The following EPM2A variants were observed in gnomAD, a reference collection of about 807,000 sequenced individuals.
EPM2A encodes laforin.
In EPM2A, 21 loss-of-function variants were observed where a neutral mutation model predicts 26.5. The ratio of observed to expected loss-of-function variants is 0.79; its 90% CI spans 0.56 to 1.14. The LOEUF is 1.14. EPM2A is among the 50% of genes most tolerant of loss of function. The pLI is 0.00. For missense variants in EPM2A, 458 were observed against 440.8 expected, an observed-to-expected ratio of 1.04 and a Z score of -0.35; for synonymous variants, 217 against 177.6, an observed-to-expected ratio of 1.22 and a Z score of -1.76.
intron 2 of EPM2A, among the ~76,000 whole-genome samples, chr6:145,541,430 T>A (rs1210985656): frequency 6.6e-6 from 1 of 151,968 alleles, no homozygotes. Context: ...TACTTTGGGT[T>A]ATTTTTACCC....
intron 2 of EPM2A, among the ~76,000 whole-genome samples, chr6:145,604,314 T>A (rs1781454945): frequency 6.6e-6 from 1 of 152,136 alleles, no homozygotes; most frequent in East Asian, 1.9e-4. Flanking sequence ...TCTGAAGGTT[T>A]CTTTCAGGAA....
rs965931486 is a variant in EPM2A, at chr6:145,686,157, A to G, written c.441T>C (p.Phe147=). 22 of 1,613,882 alleles carry G rather than the reference A, an allele frequency of 1.4e-5. No homozygotes were observed. The highest frequency in any genetic ancestry group is 1.9e-5 in the Non-Finnish European group (22 of 1,179,926). The change falls in exon 2 of 4, where the codon TTT becomes TTC. Residue 147 remains phenylalanine (F), a synonymous_variant. Coordinates refer to ENST00000367519, the MANE Select transcript of EPM2A (RefSeq NM_005670.4). ...GCATGGCTTGGTGGCCTGCAATATT[A>G]AAATAGAAGTCTGTTGTGTGCTTCA... ...NEMKHTTDFY[F]NIAGHQAMHY... is the part of the protein sequence containing the mutation.
intron 4 of EPM2A, among the ~76,000 whole-genome samples, chr6:145,388,682 A>T (rs1778295839): frequency 6.6e-6 from 1 of 152,026 alleles, no homozygotes; most frequent in African/African-American, 2.4e-5. Flanking sequence ...AGCCCCTGAC[A>T]GGCCCCAGTG....
chr6:145,660,597 T>C (rs1778620849), intron 2 of EPM2A, among the ~76,000 whole-genome samples: 6 of 152,126 alleles, frequency 3.9e-5, no homozygotes, highest in Admixed American at 3.9e-4. Flanking sequence ...AGGTCAGGAA[T>C]TCGAGACCAG....
intron 2 of EPM2A, among the ~76,000 whole-genome samples, chr6:145,607,479 G>A (rs546619227): frequency 4.6e-5 from 7 of 152,222 alleles, no homozygotes; most frequent in Non-Finnish European, 8.8e-5. Context: ...ATGGGAAAAA[G>A]CATTTTAGGA....
intron 2 of EPM2A, among the ~76,000 whole-genome samples, chr6:145,583,029 T>C (rs755309735): frequency 4.6e-5 from 7 of 152,214 alleles, no homozygotes; most frequent in Admixed American, 6.5e-5. Flanking sequence ...TTTCTCCACA[T>C]AGCCACTTTG....
intron 2 of EPM2A, among the ~76,000 whole-genome samples, chr6:145,617,680 T>C (rs1197068048): frequency 1.3e-5 from 2 of 152,232 alleles, no homozygotes; most frequent in East Asian, 1.9e-4. Context: ...GGCTCATGCC[T>C]GTAATGCCAA....
At chr6:145,547,516 A>C (rs138879518) in intron 2 of EPM2A, among the ~76,000 whole-genome samples, 202 of 152,292 alleles carry the variant, frequency 1.3e-3, no homozygotes, top group Non-Finnish European at 1.6e-3. Context: ...CTTTGGGTGT[A>C]CATGGAAGCA....
chr6:145,487,553 T>A (rs1178450446), intron 4 of EPM2A, among the ~76,000 whole-genome samples: 1 of 152,216 alleles, frequency 6.6e-6, no homozygotes, highest in African/African-American at 2.4e-5. Flanking sequence ...TGTGAGATGG[T>A]ATCACATGGT....
At chr6:145,671,874 GAA>G (rs1479514265) in intron 2 of EPM2A, among the ~76,000 whole-genome samples, 1 of 152,148 alleles carries the variant, frequency 6.6e-6, no homozygotes, top group Non-Finnish European at 1.5e-5. Flanking sequence ...TAACATTTTT[GAA>G]AGAGTGTGAA....
At chr6:145,648,322 C>A (rs1777635530) in intron 2 of EPM2A, among the ~76,000 whole-genome samples, 1 of 152,184 alleles carries the variant, frequency 6.6e-6, no homozygotes, top group African/African-American at 2.4e-5. Flanking sequence ...AATCCCGAGT[C>A]CTTGGTCAGT....
chr6:145,728,285 G>A (rs1035441170), intron 1 of EPM2A, among the ~76,000 whole-genome samples: 1 of 152,188 alleles, frequency 6.6e-6, no homozygotes, highest in African/African-American at 2.4e-5. Flanking sequence ...TTTAGAACTG[G>A]GTGTTGGGCA....
At chr6:145,385,015 A>G (rs1778240055) in intron 4 of EPM2A, among the ~76,000 whole-genome samples, 1 of 148,086 alleles carries the variant, frequency 6.8e-6, no homozygotes, top group South Asian at 2.3e-4. Context: ...TCTTCTAAAT[A>G]TCAAGGAAAT....
At chr6:145,415,185 T>A (rs1778691703) in intron 4 of EPM2A, among the ~76,000 whole-genome samples, 1 of 152,222 alleles carries the variant, frequency 6.6e-6, no homozygotes, top group Non-Finnish European at 1.5e-5. Context: ...AGAATTGTGC[T>A]TTCATTGGCT....
chr6:145,414,389 C>A (rs1778681646), intron 4 of EPM2A, among the ~76,000 whole-genome samples: 1 of 151,682 alleles, frequency 6.6e-6, no homozygotes, highest in Non-Finnish European at 1.5e-5. Flanking sequence ...ATCTCCCCTG[C>A]CCTGTGTTGG....
At chr6:145,680,726 A>C (rs1314800001) in intron 2 of EPM2A, among the ~76,000 whole-genome samples, 2 of 152,052 alleles carry the variant, frequency 1.3e-5, no homozygotes, top group African/African-American at 4.8e-5. Context: ...TGAACTCATC[A>C]TTTTTTATGG....
intron 2 of EPM2A, among the ~76,000 whole-genome samples, chr6:145,678,521 A>G (rs1244677838): frequency 6.6e-6 from 1 of 152,242 alleles, no homozygotes; most frequent in Non-Finnish European, 1.5e-5. Flanking sequence ...TGTAATATCC[A>G]GAATCTACAA....
At chr6:145,507,802 A>G (rs548844860) in intron 2 of EPM2A, among the ~76,000 whole-genome samples, 1 of 152,266 alleles carries the variant, frequency 6.6e-6, no homozygotes, top group South Asian at 2.1e-4. Flanking sequence ...CAAGACCAGT[A>G]TGGGAGGAGA....
intron 2 of EPM2A, among the ~76,000 whole-genome samples, chr6:145,517,604 A>T (rs1780146829): frequency 6.6e-6 from 1 of 152,204 alleles, no homozygotes; most frequent in Non-Finnish European, 1.5e-5. Flanking sequence ...AGCAATAGAC[A>T]TACATTACTT....
Sources: allele counts gnomAD v4.1 joint callset (sites outside exome capture counted in the v4.1 genomes callset), GRCh38; gene constraint gnomAD v4.1.1; transcripts MANE v1.5; gene names NCBI Gene and HGNC (gene_info 2026-07-23, HGNC 2026-07-21).